The following MCOLN2 variants were observed in gnomAD, a reference collection of about 807,000 sequenced individuals.
MCOLN2 encodes mucolipin TRP cation channel 2, also known as mucolipin-2.
Under a neutral mutation model 67.5 loss-of-function variants are expected in MCOLN2, and 57 were observed. The observed-to-expected ratio is 0.84, with a 90% CI of 0.68 to 1.05. The LOEUF is 1.05. MCOLN2 is among the 50% of genes least tolerant of loss of function. The pLI, the probability that MCOLN2 is intolerant of heterozygous loss-of-function variation, is 0.00. For synonymous variants in MCOLN2, 246 were observed against 233.3 expected (o/e 1.05, Z -0.50); for missense variants, 620 against 678.8 (o/e 0.91, Z 0.96).
intron 1 of MCOLN2, among the ~76,000 whole-genome samples, chr1:84,981,711 TG>T (rs376398706): frequency 1.2e-4 from 18 of 152,244 alleles, no homozygotes; most frequent in African/African-American, 3.6e-4. Context: ...GATGGGTTAA[TG>T]GGTACAAAGA....
At chr1:84,953,709 A>AT (rs1303656603) in intron 4 of MCOLN2, among the ~76,000 whole-genome samples, 1 of 152,224 alleles carries the variant, frequency 6.6e-6, no homozygotes, top group East Asian at 1.9e-4. Flanking sequence ...GTAAAAACAG[A>AT]TTATGAGCTG....
At chr1:84,960,849 G>C (rs1047412932) in intron 2 of MCOLN2, among the ~76,000 whole-genome samples, 2 of 151,972 alleles carry the variant, frequency 1.3e-5, no homozygotes, top group Non-Finnish European at 2.9e-5. Flanking sequence ...AGTTTGCTGA[G>C]TGCTTACTCT....
intron 1 of MCOLN2, among the ~76,000 whole-genome samples, chr1:84,982,716 C>T (rs1255059201): frequency 6.6e-6 from 1 of 152,088 alleles, no homozygotes; most frequent in Non-Finnish European, 1.5e-5. Context: ...GTTTGTTCCC[C>T]TGACCCCAAC....
chr1:84,926,520 A>G lies in MCOLN2; in HGVS notation c.*165T>C. The G allele has an allele frequency of 2.2e-6, 1 of 452,136 alleles. No individual in the cohort carries two copies. The highest frequency in any genetic ancestry group is 6.3e-5 in the South Asian group (1 of 15,880). The allele number at this position is 452,136 out of a possible 1,614,324, so 28.0% of individuals were successfully genotyped here. ...TTATCATTCAAGTTTATAAAAAGTA[A>G]AGCTGGAACTTCAGTCATGGTCAGC... On this transcript the variant is annotated 3_prime_UTR_variant, in exon 14 of 14. Transcript: ENST00000370608.
At chr1:84,927,260 T>C (rs1661208894) in intron 13 of MCOLN2, among the ~76,000 whole-genome samples, 2 of 151,840 alleles carry the variant, frequency 1.3e-5, no homozygotes, top group South Asian at 4.2e-4. Context: ...ATAAATACAT[T>C]GGTTTGTTTC....
intron 1 of MCOLN2, among the ~76,000 whole-genome samples, chr1:84,993,102 T>TA (rs1380013713): frequency 6.6e-6 from 1 of 152,254 alleles, no homozygotes; most frequent in Non-Finnish European, 1.5e-5. Flanking sequence ...CGGAATATGC[T>TA]AAATTATGTG....
chr1:84,983,953 C>T (rs890610155), intron 1 of MCOLN2, among the ~76,000 whole-genome samples: 17 of 152,144 alleles, frequency 1.1e-4, no homozygotes, highest in Admixed American at 1.1e-3. Context: ...GGATTACAGG[C>T]GTGAGCCACT....
At chr1:84,958,421 C>A in intron 3 of MCOLN2, 108 bp downstream of exon 3, 1 of 882,290 alleles carries the variant, frequency 1.1e-6, no homozygotes, top group Non-Finnish European at 1.7e-6. Flanking sequence ...GACTGCAAAA[C>A]TTACATTAGA....
rs1334503047 is a variant in MCOLN2, at chr1:84,978,257, T to C, written c.78-12549A>G. Among the ~76,000 whole-genome samples, 5 of 147,174 alleles carry C rather than the reference T, an allele frequency of 3.4e-5. No individual in the cohort carries two copies. In the South Asian group the frequency reaches 8.9e-4, roughly 26 times the overall value. On this transcript the variant is annotated intron_variant, in intron 1 of 13. Coordinates refer to ENST00000370608, the MANE Select transcript of MCOLN2 (RefSeq NM_153259.4). Reference sequence around the variant, plus strand: ...AAAGCAGTACTAAAAGAGAATTTTATAGCTTTAACTGCCTACTTCAAAAAA... The same window carrying C: ...AAAGCAGTACTAAAAGAGAATTTTACAGCTTTAACTGCCTACTTCAAAAAA...
At chr1:84,971,685 C>T (rs941137214) in intron 1 of MCOLN2, among the ~76,000 whole-genome samples, 3 of 152,122 alleles carry the variant, frequency 2.0e-5, no homozygotes, top group African/African-American at 7.2e-5. Context: ...CACATATTTA[C>T]CCTATATACC....
intron 1 of MCOLN2, among the ~76,000 whole-genome samples, chr1:84,968,126 A>C (rs1649474858): frequency 6.6e-6 from 1 of 152,190 alleles, no homozygotes; most frequent in Non-Finnish European, 1.5e-5. Context: ...AAAGGCATCA[A>C]AACTGCCTGT....
intron 13 of MCOLN2, among the ~76,000 whole-genome samples, chr1:84,928,409 T>A (rs1409659284): frequency 6.6e-6 from 1 of 152,186 alleles, no homozygotes; most frequent in African/African-American, 2.4e-5. Context: ...ACGCCTTAAA[T>A]CTTTCACTTG....
intron 4 of MCOLN2, among the ~76,000 whole-genome samples, chr1:84,954,406 T>C (rs1648672426): frequency 6.6e-6 from 1 of 152,228 alleles, no homozygotes; most frequent in Non-Finnish European, 1.5e-5. Context: ...AGACTGATGA[T>C]AGAAATAGCA....
At chr1:84,945,707 T>C (rs1648056757) in intron 7 of MCOLN2, among the ~76,000 whole-genome samples, 1 of 152,176 alleles carries the variant, frequency 6.6e-6, no homozygotes, top group Non-Finnish European at 1.5e-5. Context: ...ACAGGTTCCA[T>C]AGGTAGCCCA....
chr1:84,942,005 G>A (rs1647815917), intron 7 of MCOLN2, among the ~76,000 whole-genome samples: 1 of 152,110 alleles, frequency 6.6e-6, no homozygotes, highest in Admixed American at 6.6e-5. Context: ...TCACCCTACA[G>A]CCACACTGAT....
intron 1 of MCOLN2, among the ~76,000 whole-genome samples, chr1:84,987,534 A>AGG (rs1650633720): frequency 2.7e-5 from 3 of 111,726 alleles, no homozygotes; most frequent in African/African-American, 6.7e-5. Context: ...GTATACATCT[A>AGG]TGTATACATA....
At chr1:84,948,082 T>C (rs570564) in intron 6 of MCOLN2, among the ~76,000 whole-genome samples, 60,576 of 152,138 alleles carry the variant, frequency 0.4, 14,352 homozygotes, top group African/African-American at 0.67. Flanking sequence ...CAGCTGTAAC[T>C]TCGCATCTCT....
At chr1:84,936,676 T>A (rs1436813316) in intron 11 of MCOLN2, among the ~76,000 whole-genome samples, 1 of 152,210 alleles carries the variant, frequency 6.6e-6, no homozygotes, top group Non-Finnish European at 1.5e-5. Flanking sequence ...ACATATTAAA[T>A]GTGACACCTA....
chr1:84,977,829 T>C (rs937875560), intron 1 of MCOLN2, among the ~76,000 whole-genome samples: 1 of 152,108 alleles, frequency 6.6e-6, no homozygotes, highest in Non-Finnish European at 1.5e-5. Context: ...ATTAGATAGA[T>C]CTTCCATACA....
Sources: allele counts gnomAD v4.1 joint callset (sites outside exome capture counted in the v4.1 genomes callset), GRCh38; gene constraint gnomAD v4.1.1; transcripts MANE v1.5; gene names NCBI Gene and HGNC (gene_info 2026-07-23, HGNC 2026-07-21).